The following IMMP2L variants were observed in gnomAD, a reference collection of about 807,000 sequenced individuals.
IMMP2L encodes the protein inner mitochondrial membrane peptidase subunit 2, also known as mitochondrial inner membrane protease subunit 2.
Under a neutral mutation model 19.3 loss-of-function variants are expected in IMMP2L, and 18 were observed. The ratio of observed to expected loss-of-function variants is 0.93; its 90% CI spans 0.64 to 1.38. IMMP2L has a LOEUF of 1.38. Ranked by LOEUF, IMMP2L falls within the 40% of genes most tolerant of loss-of-function variation. The pLI is 0.00. For synonymous variants in IMMP2L, 76 were observed against 73.0 expected, an observed-to-expected ratio of 1.04 and a Z score of -0.21; for missense variants, 233 against 218.2, an observed-to-expected ratio of 1.07 and a Z score of -0.43.
chr7:110,875,512 A>C (rs1224642427), intron 5 of IMMP2L, among the ~76,000 whole-genome samples: 1 of 152,182 alleles, frequency 6.6e-6, no homozygotes, highest in African/African-American at 2.4e-5. Flanking sequence ...TGACTTGTAG[A>C]AATGACATAA....
At chr7:111,041,974 A>G (rs1422807355) in intron 3 of IMMP2L, among the ~76,000 whole-genome samples, 1 of 152,216 alleles carries the variant, frequency 6.6e-6, no homozygotes, top group Non-Finnish European at 1.5e-5. Flanking sequence ...GGTAAAAATA[A>G]CAATCTATAT....
At chr7:111,067,306 G>A (rs1184084291) in intron 3 of IMMP2L, among the ~76,000 whole-genome samples, 4 of 152,174 alleles carry the variant, frequency 2.6e-5, no homozygotes, top group Non-Finnish European at 5.9e-5. Context: ...CTTTGTAGTT[G>A]GCTTAAACTC....
At chr7:111,382,530 A>T (rs1392912050) in intron 3 of IMMP2L, among the ~76,000 whole-genome samples, 1 of 152,084 alleles carries the variant, frequency 6.6e-6, no homozygotes, top group Non-Finnish European at 1.5e-5. Flanking sequence ...ATAATAAAAA[A>T]ATAATAAAGT....
At chr7:110,809,357 T>C (rs552143344) in intron 5 of IMMP2L, among the ~76,000 whole-genome samples, 1 of 152,138 alleles carries the variant, frequency 6.6e-6, no homozygotes, top group South Asian at 2.1e-4. Context: ...TATCAACATA[T>C]ATACATTATT....
At chr7:110,831,475 T>C (rs1038994506) in intron 5 of IMMP2L, among the ~76,000 whole-genome samples, 2 of 152,164 alleles carry the variant, frequency 1.3e-5, no homozygotes. Context: ...AAAACTTCTT[T>C]ATTCTTTCTA....
intron 3 of IMMP2L, among the ~76,000 whole-genome samples, chr7:111,243,040 T>C (rs1031865287): frequency 2.6e-5 from 4 of 152,090 alleles, no homozygotes; most frequent in African/African-American, 9.7e-5. Context: ...TGCACTTTTC[T>C]TGTGAACCAC....
chr7:110,841,808 T>C (rs1046776498), intron 5 of IMMP2L, among the ~76,000 whole-genome samples: 17 of 152,302 alleles, frequency 1.1e-4, no homozygotes, highest in African/African-American at 4.1e-4. Flanking sequence ...TAAAGATCAA[T>C]GACTACATTA....
chr7:111,450,233 A>T (rs1010081827), intron 3 of IMMP2L, among the ~76,000 whole-genome samples: 1 of 150,194 alleles, frequency 6.7e-6, no homozygotes, highest in African/African-American at 2.5e-5. Flanking sequence ...ATGGAACCAA[A>T]AAAGAGCCCG....
In IMMP2L at chr7:111,228,569, T is replaced by A. The variant is rs555376942; in HGVS notation, c.239+258669A>T. The stretch of plus-strand genomic sequence containing the variant: ...ACCCACAGGTCCCATCTCTCAAGTG[T>A]GTGTTAGAAGTGCAAGAAGACTGGG... On this transcript the variant is annotated intron_variant, in intron 3 of 5. Transcript: ENST00000405709. Among the ~76,000 whole-genome samples, 42 of 152,026 alleles carry A rather than the reference T, an allele frequency of 2.8e-4. No individual in the cohort carries two copies. In the South Asian group the frequency reaches 8.7e-3, roughly 32 times the overall value.
rs550724151 is a variant in IMMP2L at position 111,411,482 on chromosome 7, G to A, written c.239+75756C>T. 6.8e-5 allele frequency: 32 copies of A among 473,844 alleles called. No homozygotes were observed. In the East Asian group the frequency reaches 1.6e-3, roughly 23 times the overall value. The allele number at this position is 473,844 out of a possible 1,614,324, so 29.4% of individuals were successfully genotyped here. A position where few individuals can be genotyped will look rare whatever the true frequency, so the allele number is the denominator to read the frequency against. On this transcript the variant is annotated intron_variant, in intron 3 of 5. Transcript: ENST00000405709. ...CCTGAACGAAGTCACGGGCAAGCAC[G>A]GCATGGGCTGTATTGACATTATGGA... is the stretch of plus-strand genomic sequence containing the variant.
intron 3 of IMMP2L, among the ~76,000 whole-genome samples, chr7:111,470,865 T>G (rs1054008745): frequency 1.3e-5 from 2 of 150,354 alleles, no homozygotes; most frequent in Admixed American, 1.3e-4. Flanking sequence ...CCCTAAAACT[T>G]AAAGTATAAT....
At chr7:110,912,250 T>C (rs1246886440) in intron 4 of IMMP2L, among the ~76,000 whole-genome samples, 1 of 152,088 alleles carries the variant, frequency 6.6e-6, no homozygotes, top group Admixed American at 6.6e-5. Context: ...CCAGTAAATT[T>C]AGAATTCTAT....
intron 4 of IMMP2L, among the ~76,000 whole-genome samples, chr7:110,945,354 C>A (rs1290203259): frequency 6.6e-6 from 1 of 152,000 alleles, no homozygotes; most frequent in Non-Finnish European, 1.5e-5. Flanking sequence ...TAGGATGCAG[C>A]CACAGTAATC....
rs549432164 is a variant in IMMP2L at position 111,456,518 on chromosome 7, G to T, written c.239+30720C>A. Among the ~76,000 whole-genome samples the T allele has an allele frequency of 7.9e-5, 12 of 152,226 alleles. No homozygotes were observed. The South Asian group carries it at 2.5e-3, about 32-fold the overall frequency. On this transcript the variant is annotated intron_variant, in intron 3 of 5. Coordinates refer to ENST00000405709, the MANE Select transcript of IMMP2L (RefSeq NM_032549.4). ...TTGTAATCTCTTTGAAGACTAAGGA[G>T]ACAAAAGTCTCTCTTGAACACTAAG... is the stretch of plus-strand genomic sequence containing the variant.
chr7:110,781,567 G>T (rs998077750), intron 5 of IMMP2L, among the ~76,000 whole-genome samples: 3 of 151,300 alleles, frequency 2.0e-5, no homozygotes, highest in Non-Finnish European at 4.4e-5. Context: ...TAGATATTTT[G>T]TATTTTTCCA....
intron 4 of IMMP2L, among the ~76,000 whole-genome samples, chr7:110,907,746 T>C (rs1039956880): frequency 1.8e-4 from 27 of 152,142 alleles, no homozygotes; most frequent in South Asian, 2.1e-4. Context: ...ATAGTAAAAA[T>C]TTTATATTCA....
intron 3 of IMMP2L, among the ~76,000 whole-genome samples, chr7:111,037,669 C>T (rs894660952): frequency 6.6e-6 from 1 of 152,128 alleles, no homozygotes; most frequent in African/African-American, 2.4e-5. Context: ...AGTTATTATT[C>T]AAGCATTTAC....
chr7:110,849,989 T>C (rs1806035528), intron 5 of IMMP2L, among the ~76,000 whole-genome samples: 1 of 152,024 alleles, frequency 6.6e-6, no homozygotes, highest in Non-Finnish European at 1.5e-5. Flanking sequence ...AAATATTTTC[T>C]TATAGAGAAA....
intron 3 of IMMP2L, among the ~76,000 whole-genome samples, chr7:111,141,355 AT>A (rs1184323616): frequency 6.6e-6 from 1 of 151,952 alleles, no homozygotes; most frequent in African/African-American, 2.4e-5. Flanking sequence ...TTTTATCACA[AT>A]TTTTTGTTAA....
Sources: gnomAD v4.1 joint callset for allele counts (sites outside exome capture counted in the v4.1 genomes callset) on GRCh38, gnomAD v4.1.1 for gene constraint, MANE v1.5 for transcripts, NCBI Gene and HGNC (gene_info 2026-07-23, HGNC 2026-07-21) for gene names.